RALYL: variants seen among roughly 807,000 people sequenced by gnomAD.
The protein encoded by RALYL is RALY RNA binding protein like.
Under a neutral mutation model 35.1 loss-of-function variants are expected in RALYL, and 29 were observed. That is an observed-to-expected ratio of 0.83 (90% CI 0.61 to 1.13). The LOEUF is 1.13. Ranked by LOEUF, RALYL falls within the 50% of genes most tolerant of loss-of-function variation. The probability of loss-of-function intolerance (pLI) is 0.00; values close to 1 mark genes in which losing one functional copy is unlikely to be tolerated. For missense variants in RALYL, 359 were observed against 360.4 expected, an observed-to-expected ratio of 1.00 and a Z score of 0.03; for synonymous variants, 120 against 127.6, an observed-to-expected ratio of 0.94 and a Z score of 0.40.
chr8:84,290,248 A>C (rs1430924019), intron 1 of RALYL, among the ~76,000 whole-genome samples: 2 of 152,082 alleles, frequency 1.3e-5, no homozygotes, highest in Non-Finnish European at 2.9e-5. Flanking sequence ...TCCATGTTTT[A>C]ATTGTTACAT....
intron 2 of RALYL, among the ~76,000 whole-genome samples, chr8:84,730,232 A>G (rs1435211405): frequency 6.6e-6 from 1 of 152,122 alleles, no homozygotes; most frequent in Non-Finnish European, 1.5e-5. Context: ...GGTTCAATAT[A>G]CACAAATCAA....
At chr8:84,358,969 T>C (rs1391795543) in intron 1 of RALYL, among the ~76,000 whole-genome samples, 1 of 152,084 alleles carries the variant, frequency 6.6e-6, no homozygotes. Flanking sequence ...AAGAACTAGA[T>C]GATTAAATTG....
In RALYL at chr8:84,263,507, C is replaced by G. The variant is rs550729284; in HGVS notation, c.-24+79083C>G. On this transcript the variant is annotated intron_variant, in intron 1 of 8. Coordinates refer to ENST00000521268, the MANE Select transcript of RALYL (RefSeq NM_173848.7). ...AATGCAAATTCCCTCATTCTGAATG[C>G]AATTTAAATAATTATTGTGGTTAAA... 7.2e-5 allele frequency among the ~76,000 whole-genome samples: 11 copies of G among 152,252 alleles called. No individual in the cohort carries two copies. In the South Asian group the frequency reaches 2.3e-3, roughly 32 times the overall value.
intron 1 of RALYL, among the ~76,000 whole-genome samples, chr8:84,382,803 GCT>G (rs764363196): frequency 7.9e-4 from 120 of 151,664 alleles, no homozygotes; most frequent in Non-Finnish European, 1.1e-3. Flanking sequence ...AACTCTTCAT[GCT>G]TCATGAAGCA....
At chr8:84,434,606 A>T (rs1563924951) in intron 1 of RALYL, among the ~76,000 whole-genome samples, 1 of 152,166 alleles carries the variant, frequency 6.6e-6, no homozygotes, top group Non-Finnish European at 1.5e-5. Flanking sequence ...GTTTTTCTTT[A>T]AAAGCAAACT....
At chr8:84,695,869 T>A (rs911270367) in intron 2 of RALYL, among the ~76,000 whole-genome samples, 7 of 151,956 alleles carry the variant, frequency 4.6e-5, no homozygotes, top group Non-Finnish European at 1.0e-4. Flanking sequence ...ATTCTCTCAC[T>A]AATGCTTAAT....
chr8:84,567,270 G>T (rs944117710), intron 2 of RALYL, among the ~76,000 whole-genome samples: 6 of 151,658 alleles, frequency 4.0e-5, no homozygotes, highest in Non-Finnish European at 8.9e-5. Flanking sequence ...CATTACATGG[G>T]TATATTGCAT....
chr8:84,911,844 T>C (rs1450012752), intron 8 of RALYL, among the ~76,000 whole-genome samples: 1 of 152,136 alleles, frequency 6.6e-6, no homozygotes, highest in Non-Finnish European at 1.5e-5. Context: ...GTTTATTATG[T>C]AACAAAATTA....
intron 1 of RALYL, among the ~76,000 whole-genome samples, chr8:84,515,739 TA>T (rs1350859661): frequency 4.6e-5 from 7 of 152,232 alleles, no homozygotes; most frequent in Non-Finnish European, 1.0e-4. Context: ...AAAAATGGAA[TA>T]AATTTTCAGT....
In RALYL at chr8:84,816,943, G is replaced by T. The variant is rs555712746; in HGVS notation, c.365+12141G>T. On this transcript the variant is annotated intron_variant, in intron 4 of 8. Transcript: ENST00000521268. ...TTAGAAAATTTTAAAATTATAAAAA[G>T]AAATAAAAAGAATACATCAATGATA... 3.7e-4 allele frequency among the ~76,000 whole-genome samples: 56 copies of T among 151,586 alleles called. 1 individual carries two copies. In the South Asian group the frequency reaches 0.01, roughly 27 times the overall value.
chr8:84,344,695 C>T (rs190036007), intron 1 of RALYL, among the ~76,000 whole-genome samples: 3 of 152,102 alleles, frequency 2.0e-5, no homozygotes, highest in South Asian at 2.1e-4. Flanking sequence ...CCTTTGATAA[C>T]ATTATCCCAT....
intron 1 of RALYL, among the ~76,000 whole-genome samples, chr8:84,354,523 C>G (rs1586551580): frequency 6.6e-6 from 1 of 150,428 alleles, no homozygotes; most frequent in African/African-American, 2.5e-5. Flanking sequence ...GATTTCTCCT[C>G]AGTCACTTTT....
intron 1 of RALYL, among the ~76,000 whole-genome samples, chr8:84,349,698 G>T (rs1306181208): frequency 6.6e-6 from 1 of 150,416 alleles, no homozygotes; most frequent in East Asian, 1.9e-4. Flanking sequence ...ATGCTTATTA[G>T]AATACAGAAT....
chr8:84,657,948 A>G (rs960732915), intron 2 of RALYL, among the ~76,000 whole-genome samples: 1 of 152,164 alleles, frequency 6.6e-6, no homozygotes, highest in African/African-American at 2.4e-5. Flanking sequence ...AAGCCTGCCA[A>G]CTGACTGAAT....
chr8:84,395,531 C>T (rs573699757), intron 1 of RALYL, among the ~76,000 whole-genome samples: 6 of 151,760 alleles, frequency 4.0e-5, no homozygotes, highest in South Asian at 4.2e-4. Flanking sequence ...TGATGTAATC[C>T]GCCATCAGCA....
chr8:84,718,197 G>T (rs184009927), intron 2 of RALYL, among the ~76,000 whole-genome samples: 2 of 152,048 alleles, frequency 1.3e-5, no homozygotes, highest in Non-Finnish European at 2.9e-5. Context: ...TTTGTTCTAC[G>T]TATTGAATGA....
chr8:84,834,175 A>C (rs979872694), intron 4 of RALYL, among the ~76,000 whole-genome samples: 5 of 152,220 alleles, frequency 3.3e-5, no homozygotes, highest in African/African-American at 1.2e-4. Flanking sequence ...GTTATTCTCA[A>C]CAAACATGGA....
intron 2 of RALYL, among the ~76,000 whole-genome samples, chr8:84,623,945 T>C (rs1030558475): frequency 1.3e-5 from 2 of 152,168 alleles, no homozygotes; most frequent in Non-Finnish European, 2.9e-5. Flanking sequence ...GGTCTGATAG[T>C]GGGAGATGAG....
chr8:84,339,873 G>A (rs192523905), intron 1 of RALYL, among the ~76,000 whole-genome samples: 230 of 152,198 alleles, frequency 1.5e-3, no homozygotes, highest in Non-Finnish European at 2.5e-3. Context: ...GGACAGTTAT[G>A]TGATATGGTT....
Sources: gnomAD v4.1 joint callset for allele counts (sites outside exome capture counted in the v4.1 genomes callset) on GRCh38, gnomAD v4.1.1 for gene constraint, MANE v1.5 for transcripts, NCBI Gene and HGNC (gene_info 2026-07-23, HGNC 2026-07-21) for gene names.